The following TRABD2B variants were observed in gnomAD, a reference collection of about 807,000 sequenced individuals.
The protein encoded by TRABD2B is TraB domain containing 2B, also known as metalloprotease TIKI2.
A neutral mutation model predicts 40.1 loss-of-function variants in TRABD2B; 14 were observed. The ratio of observed to expected loss-of-function variants is 0.35; its 90% CI spans 0.23 to 0.55. The LOEUF (loss-of-function observed/expected upper bound fraction) is 0.55, where lower values mean the gene tolerates loss of function less well. Ranked by LOEUF, TRABD2B falls within the 20% of genes least tolerant of loss-of-function variation. TRABD2B has a pLI of 0.90. For missense variants in TRABD2B, 541 were observed against 648.6 expected (o/e 0.83, Z 1.80); for synonymous variants, 263 against 277.0 (o/e 0.95, Z 0.50).
At chr1:47,967,830 C>A (rs1393788770) in intron 2 of TRABD2B, among the ~76,000 whole-genome samples, 2 of 152,250 alleles carry the variant, frequency 1.3e-5, no homozygotes, top group Non-Finnish European at 2.9e-5. Context: ...CTGCTGTACA[C>A]AATAAACATA....
intron 2 of TRABD2B, chr1:47,818,961 C>T (rs564574220): frequency 2.0e-5 from 3 of 152,368 alleles, no homozygotes; most frequent in South Asian, 4.1e-4. Context: ...GTGGTTAGAC[C>T]TTATGTTTCC....
At chr1:47,919,677 G>A (rs1008789182) in intron 2 of TRABD2B, among the ~76,000 whole-genome samples, 1 of 152,230 alleles carries the variant, frequency 6.6e-6, no homozygotes, top group Non-Finnish European at 1.5e-5. Flanking sequence ...GAGTTCTAAG[G>A]AGGACATCAC....
At chr1:47,851,910 T>G (rs750828267) in intron 2 of TRABD2B, among the ~76,000 whole-genome samples, 2 of 152,196 alleles carry the variant, frequency 1.3e-5, no homozygotes, top group Non-Finnish European at 2.9e-5. Context: ...GAGGTGGGAT[T>G]TGAACCCAGA....
At chr1:47,990,771 TTATATATATATATATATATATATA>T (rs55649435) in intron 2 of TRABD2B, among the ~76,000 whole-genome samples, 882 of 36,548 alleles carry the variant, frequency 0.024, 36 homozygotes, top group African/African-American at 0.038. Flanking sequence ...AACGTTGGTT[TTATATATATATATATATATATATA>T]TATATATATA....
chr1:47,927,297 C>T (rs529023028), intron 2 of TRABD2B, among the ~76,000 whole-genome samples: 221 of 152,334 alleles, frequency 1.5e-3, no homozygotes, highest in African/African-American at 5.1e-3. Flanking sequence ...GCAGCCCCGT[C>T]TCCCTGACAA....
intron 2 of TRABD2B, among the ~76,000 whole-genome samples, chr1:47,915,971 T>C (rs1644825136): frequency 6.6e-6 from 1 of 151,986 alleles, no homozygotes; most frequent in Non-Finnish European, 1.5e-5. Context: ...GCAGTGACTG[T>C]GTTTGTTTTG....
intron 2 of TRABD2B, among the ~76,000 whole-genome samples, chr1:47,807,310 G>A (rs577932678): frequency 1.9e-4 from 29 of 152,336 alleles, no homozygotes; most frequent in African/African-American, 6.7e-4. Flanking sequence ...GTGAGGAAGA[G>A]TGTTTCTGGA....
chr1:47,909,078 A>T (rs1644715541), intron 2 of TRABD2B, among the ~76,000 whole-genome samples: 1 of 152,256 alleles, frequency 6.6e-6, no homozygotes, highest in Admixed American at 6.5e-5. Context: ...GCGGTTGGTC[A>T]CCAACTGACC....
chr1:47,909,459 A>G (rs1644721978), intron 2 of TRABD2B, among the ~76,000 whole-genome samples: 1 of 139,798 alleles, frequency 7.2e-6, no homozygotes. Flanking sequence ...GAAGAAGGAG[A>G]AGGAGAAGGG....
intron 2 of TRABD2B, among the ~76,000 whole-genome samples, chr1:47,858,779 T>C (rs945861526): frequency 6.6e-6 from 1 of 152,192 alleles, no homozygotes; most frequent in Non-Finnish European, 1.5e-5. Flanking sequence ...TCCAGAAGCC[T>C]GCCAGACAAG....
chr1:47,854,599 A>G (rs1643873010), intron 2 of TRABD2B, among the ~76,000 whole-genome samples: 1 of 152,186 alleles, frequency 6.6e-6, no homozygotes, highest in African/African-American at 2.4e-5. Flanking sequence ...AAGCCACTTT[A>G]GCAAGTAATA....
At chr1:47,767,956 C>T (rs556069197) in intron 6 of TRABD2B, among the ~76,000 whole-genome samples, 1 of 152,216 alleles carries the variant, frequency 6.6e-6, no homozygotes, top group East Asian at 1.9e-4. Flanking sequence ...CCTGGCTCAG[C>T]TTCAGCTAGG....
intron 2 of TRABD2B, among the ~76,000 whole-genome samples, chr1:47,806,605 C>T (rs1644895423): frequency 6.6e-6 from 1 of 152,228 alleles, no homozygotes; most frequent in Admixed American, 6.5e-5. Context: ...CCAGAGCATC[C>T]TCTGTGGACT....
intron 2 of TRABD2B, among the ~76,000 whole-genome samples, chr1:47,978,031 T>C (rs570639958): frequency 1.1e-4 from 17 of 152,058 alleles, no homozygotes; most frequent in African/African-American, 3.9e-4. Context: ...CACAAAATTC[T>C]CCCCCAAATT....
At chr1:47,965,047 G>C (rs1645578444) in intron 2 of TRABD2B, among the ~76,000 whole-genome samples, 1 of 151,468 alleles carries the variant, frequency 6.6e-6, no homozygotes, top group Non-Finnish European at 1.5e-5. Flanking sequence ...TGTACTAAGG[G>C]GCTTTAAGCA....
intron 2 of TRABD2B, among the ~76,000 whole-genome samples, chr1:47,975,994 G>A (rs1268211583): frequency 6.6e-6 from 1 of 152,160 alleles, no homozygotes. Context: ...CAATGGAAAA[G>A]GAGGTTGGTA....
chr1:47,861,986 C>A (rs1274266969), intron 2 of TRABD2B, among the ~76,000 whole-genome samples: 1 of 152,134 alleles, frequency 6.6e-6, no homozygotes, highest in South Asian at 2.1e-4. Flanking sequence ...CATAATTCAT[C>A]AAATCAGCAG....
intron 2 of TRABD2B, among the ~76,000 whole-genome samples, chr1:47,900,876 C>A (rs960310339): frequency 1.1e-4 from 16 of 152,114 alleles, no homozygotes; most frequent in Non-Finnish European, 1.9e-4. Context: ...TCTCTCAATC[C>A]AAGCACCATC....
chr1:47,951,635 T>C (rs925078176), intron 2 of TRABD2B, among the ~76,000 whole-genome samples: 2 of 152,000 alleles, frequency 1.3e-5, no homozygotes, highest in Non-Finnish European at 2.9e-5. Context: ...ATACCCAAGG[T>C]AGAGAGGGTG....
Sources: allele counts gnomAD v4.1 joint callset (sites outside exome capture counted in the v4.1 genomes callset), GRCh38; gene constraint gnomAD v4.1.1; transcripts MANE v1.5; gene names NCBI Gene and HGNC (gene_info 2026-07-23, HGNC 2026-07-21).